The following SMAP2 variants were observed in gnomAD, a reference collection of about 807,000 sequenced individuals.
SMAP2 encodes the protein stromal membrane-associated protein 2.
Under a neutral mutation model 56.4 loss-of-function variants are expected in SMAP2, and 25 were observed. The ratio of observed to expected loss-of-function variants is 0.44; its 90% CI spans 0.32 to 0.62. SMAP2 has a LOEUF of 0.62. SMAP2 is among the 20% of genes least tolerant of loss of function. The probability of loss-of-function intolerance (pLI) is 0.04; values close to 1 mark genes in which losing one functional copy is unlikely to be tolerated. For missense variants in SMAP2, 388 were observed against 545.6 expected, an observed-to-expected ratio of 0.71 and a Z score of 2.88; for synonymous variants, 157 against 181.7, an observed-to-expected ratio of 0.86 and a Z score of 1.09.
upstream of SMAP2, among the ~76,000 whole-genome samples, chr1:40,372,593 G>C (rs1304516494): frequency 1.3e-5 from 2 of 152,200 alleles, no homozygotes; most frequent in Non-Finnish European, 2.9e-5. Context: ...GGCTTAGCCA[G>C]AAAATTTAAT....
intron 1 of SMAP2, 74 bp from the exon 2 acceptor site, chr1:40,406,662 G>A: frequency 1.4e-6 from 2 of 1,470,380 alleles, no homozygotes; most frequent in Non-Finnish European, 1.9e-6. Context: ...AGAAATGTCT[G>A]ATAATCTAAT....
chr1:40,408,800 C>A lies in SMAP2; in HGVS notation c.323+62C>A. On this transcript the variant is annotated intron_variant, in intron 3 of 9. Transcript: ENST00000372718. This position sits in a 1 kb window ranked among gnomAD's most constrained non-coding sequence, Gnocchi z 4.3. ...ATTTTGATGCTTGGGGAGAGTCAGA[C>A]AAGACTCCAGTCCTGTAATGTGACT... 1 of 1,329,742 alleles carries A rather than the reference C, an allele frequency of 7.5e-7. No individual in the cohort carries two copies. Among genetic ancestry groups the A allele is most frequent in the Admixed American group, 1.7e-5 (1 of 59,264 alleles). 82.4% of individuals were successfully genotyped at this position (1,329,742 alleles called of 1,614,324 possible).
At chr1:40,357,558 TGAAGTCTTA>T (rs1372220879) in intron 1 of SMAP2, among the ~76,000 whole-genome samples, 1 of 152,216 alleles carries the variant, frequency 6.6e-6, no homozygotes, top group Non-Finnish European at 1.5e-5. Flanking sequence ...TTTCACAGTT[TGAAGTCTTA>T]GATTTAAGTC....
chr1:40,379,555 C>CTTTTTTTTTTTTTT (rs35398664), intron 1 of SMAP2, among the ~76,000 whole-genome samples: 1 of 78,112 alleles, frequency 1.3e-5, no homozygotes, highest in Non-Finnish European at 2.5e-5. Context: ...TGTTGTCTCT[C>CTTTTTTTTTTTTTT]TTTTTTTTTT....
At chr1:40,351,260 C>T (rs1644407882) in intron 1 of SMAP2, among the ~76,000 whole-genome samples, 1 of 152,082 alleles carries the variant, frequency 6.6e-6, no homozygotes, top group Admixed American at 6.6e-5. Context: ...GACTCTGTGG[C>T]CTGACAAGGA....
intron 1 of SMAP2, among the ~76,000 whole-genome samples, chr1:40,380,529 C>CT (rs370625950): frequency 0.42 from 59,637 of 142,812 alleles, 13,283 homozygotes; most frequent in Non-Finnish European, 0.48. Context: ...ATCTGTGGCA[C>CT]TTTTTTTTTT....
In SMAP2 at chr1:40,345,966, CTTTTTTTTTTTTTTT is replaced by C. The variant is rs71060369; in HGVS notation, c.-83+1070_-83+1084del. On this transcript the variant is annotated intron_variant, in intron 1 of 6. Transcript: ENST00000435168. ...GTCTTCAGACCTGGTATTTCTATCA[CTTTTTTTTTTTTTTT>C]TTTTTTTTTTTTTAAGAGACAGGTC... is the stretch of plus-strand genomic sequence containing the variant. Among the ~76,000 whole-genome samples, 8 of 35,294 alleles carry C rather than the reference CTTTTTTTTTTTTTTT, an allele frequency of 2.3e-4. 1 individual carries two copies. The highest frequency in any genetic ancestry group is 4.5e-4 in the African/African-American group (8 of 17,874). 23.2% of individuals were successfully genotyped at this position (35,294 alleles called of 152,430 possible).
chr1:40,365,317 A>G lies in SMAP2; in HGVS notation c.55+2881A>G, dbSNP rs139307787. Reference sequence around the variant, plus strand: ...CCATCTCTATTTCAAATAATTTTTAAAAGGCACATTCTAATAAATTCTACT... The same window carrying G: ...CCATCTCTATTTCAAATAATTTTTAGAAGGCACATTCTAATAAATTCTACT... On this transcript the variant is annotated intron_variant, in intron 2 of 6. Coordinates refer to the SMAP2 transcript ENST00000435168. The G allele has an allele frequency of 3.2e-3, 487 of 152,458 alleles. 2 individuals carry two copies. The highest frequency in any genetic ancestry group is 5.1e-3 in the Non-Finnish European group (344 of 68,074). 9.4% of individuals were successfully genotyped at this position (152,458 alleles called of 1,614,324 possible). A position where few individuals can be genotyped will look rare whatever the true frequency, so the allele number is the denominator to read the frequency against.
At chr1:40,388,705 A>G (rs1463589107) in intron 1 of SMAP2, among the ~76,000 whole-genome samples, 2 of 152,326 alleles carry the variant, frequency 1.3e-5, no homozygotes, top group Non-Finnish European at 2.9e-5. Context: ...GGGCCAGATA[A>G]GAGAATAAAA....
At chr1:40,357,488 A>G (rs912395277) in intron 1 of SMAP2, among the ~76,000 whole-genome samples, 9 of 151,066 alleles carry the variant, frequency 6.0e-5, no homozygotes, top group Non-Finnish European at 1.0e-4. Flanking sequence ...AAAAAAAAAG[A>G]AGGAAATCTT....
At chr1:40,405,848 G>A (rs1329152901) in intron 1 of SMAP2, among the ~76,000 whole-genome samples, 1 of 152,150 alleles carries the variant, frequency 6.6e-6, no homozygotes, top group Non-Finnish European at 1.5e-5. Context: ...GGGAGATTCT[G>A]TAACAGTTTT....
upstream of SMAP2, among the ~76,000 whole-genome samples, chr1:40,369,437 C>T (rs971458234): frequency 1.0e-4 from 15 of 150,470 alleles, 1 homozygote; most frequent in African/African-American, 3.7e-4. Flanking sequence ...AGGCATCACA[C>T]TACCTGACTT....
At chr1:40,394,905 A>G (rs897507327) in intron 1 of SMAP2, among the ~76,000 whole-genome samples, 4 of 152,106 alleles carry the variant, frequency 2.6e-5, no homozygotes, top group African/African-American at 9.7e-5. Context: ...TCCCCAAATC[A>G]GAAAAAGGCC....
chr1:40,353,863 T>G (rs1018860449), intron 1 of SMAP2, among the ~76,000 whole-genome samples: 1 of 151,980 alleles, frequency 6.6e-6, no homozygotes, highest in South Asian at 2.1e-4. Context: ...AGTGCTGGGA[T>G]TACAGGTGTG....
At chr1:40,361,626 G>A (rs759767601) in intron 1 of SMAP2, among the ~76,000 whole-genome samples, 4 of 152,186 alleles carry the variant, frequency 2.6e-5, no homozygotes, top group East Asian at 1.9e-4. Flanking sequence ...CCCACACCTC[G>A]CAGCATTCAC....
At position 40,416,794 on chromosome 1, in the gene SMAP2, C is replaced by A. The variant is rs1224160714; in HGVS notation, c.862C>A (p.Pro288Thr). The part of the protein sequence containing the change: ...QMPTQAMFMA[P>T]AQMAYPTAYP... Reference sequence around the variant, plus strand: ...TTTCTTGGCAGCAATGTTCATGGCTCCCGCTCAGATGGCATATCCCACAGC... The same window carrying A: ...TTTCTTGGCAGCAATGTTCATGGCTACCGCTCAGATGGCATATCCCACAGC... The change falls in exon 9 of 10, where the codon CCC becomes ACC. Residue 288 changes from proline to threonine, a missense_variant. Coordinates refer to ENST00000372718, the MANE Select transcript of SMAP2 (RefSeq NM_022733.3). 6.2e-7 allele frequency: 1 copy of A among 1,602,458 alleles called. No homozygotes were observed. Among genetic ancestry groups the A allele is most frequent in the Admixed American group, 1.7e-5 (1 of 59,788 alleles).
chr1:40,357,919 G>A (rs1393210884), intron 1 of SMAP2, among the ~76,000 whole-genome samples: 1 of 150,634 alleles, frequency 6.6e-6, no homozygotes, highest in Non-Finnish European at 1.5e-5. Context: ...GGTCTTTTGT[G>A]GTTTCATATA....
chr1:40,374,032 G>A lies in SMAP2; in HGVS notation c.-89G>A. The A allele has an allele frequency of 7.1e-6, 7 of 992,110 alleles. No individual in the cohort carries two copies. Among genetic ancestry groups the A allele is most frequent in the Non-Finnish European group, 9.3e-6 (6 of 645,120 alleles). 61.5% of individuals were successfully genotyped at this position (992,110 alleles called of 1,614,324 possible). ...CGCTCAGGAGGTGCCCCTGGGCGGG[G>A]GACCGGGAGTCCTCAACCCCGGACT... is the stretch of plus-strand genomic sequence containing the variant. On this transcript the variant is annotated 5_prime_UTR_variant, in exon 1 of 10. Transcript: ENST00000372718. The surrounding 1 kb of genome is among the most constrained non-coding windows in gnomAD (Gnocchi z 5.9).
intron 9 of SMAP2, among the ~76,000 whole-genome samples, chr1:40,418,453 A>G (rs1557471488): frequency 6.6e-6 from 1 of 152,234 alleles, no homozygotes. Context: ...AAGACAAAAT[A>G]AATAAAATAT....
Sources: gnomAD v4.1 joint callset for allele counts (sites outside exome capture counted in the v4.1 genomes callset) on GRCh38, gnomAD v4.1.1 for gene constraint, Gnocchi (gnomAD v3.1) non-coding constraint, MANE v1.5 for transcripts, NCBI Gene and HGNC (gene_info 2026-07-23, HGNC 2026-07-21) for gene names.